EYA1: variants seen among roughly 807,000 people sequenced by gnomAD.
EYA1 encodes EYA transcriptional coactivator and phosphatase 1, also known as protein phosphatase EYA1.
A neutral mutation model predicts 82.0 loss-of-function variants in EYA1; 16 were observed. That is an observed-to-expected ratio of 0.20 (90% CI 0.13 to 0.30). EYA1 has a LOEUF of 0.30. EYA1 is among the 10% of genes least tolerant of loss of function. EYA1 has a pLI of 1.00. For missense variants in EYA1, 633 were observed against 730.7 expected, an observed-to-expected ratio of 0.87 and a Z score of 1.54; for synonymous variants, 261 against 264.4, an observed-to-expected ratio of 0.99 and a Z score of 0.12.
chr8:71,229,237 T>A (rs1471378560), intron 12 of EYA1, among the ~76,000 whole-genome samples: 1 of 151,978 alleles, frequency 6.6e-6, no homozygotes, highest in African/African-American at 2.4e-5. Context: ...GCAGTGCTCC[T>A]CCATTAAGTT....
chr8:71,263,771 T>A (rs1021364568), intron 11 of EYA1, among the ~76,000 whole-genome samples: 1 of 152,218 alleles, frequency 6.6e-6, no homozygotes, highest in Non-Finnish European at 1.5e-5. Context: ...TTTATTTTTT[T>A]AAATTACACT....
intron 4 of EYA1, among the ~76,000 whole-genome samples, chr8:71,331,237 TAAATAAATACACACACACACAC>T (rs1738267604): frequency 7.5e-6 from 1 of 133,232 alleles, no homozygotes; most frequent in Non-Finnish European, 1.5e-5. Flanking sequence ...TCTAAATAAA[TAAATAAATACACACACACACAC>T]ACACACACAC....
chr8:71,452,366 C>G (rs1462815344), intron 2 of EYA1, among the ~76,000 whole-genome samples: 2 of 152,218 alleles, frequency 1.3e-5, no homozygotes, highest in East Asian at 3.9e-4. Context: ...GGACAAAAGG[C>G]AGCAGAAACC....
At chr8:71,233,418 G>A (rs182468239) in intron 12 of EYA1, among the ~76,000 whole-genome samples, 24 of 152,120 alleles carry the variant, frequency 1.6e-4, no homozygotes, top group Non-Finnish European at 2.4e-4. Flanking sequence ...CAAAAAATTA[G>A]TTGGGCGTGG....
intron 2 of EYA1, among the ~76,000 whole-genome samples, chr8:71,397,743 T>C (rs1384983854): frequency 6.6e-6 from 1 of 152,164 alleles, no homozygotes; most frequent in East Asian, 1.9e-4. Flanking sequence ...ATTTCAACTT[T>C]GGCAAATCTA....
chr8:71,501,405 A>G (rs553610948), intron 2 of EYA1, among the ~76,000 whole-genome samples: 65 of 152,332 alleles, frequency 4.3e-4, no homozygotes, highest in African/African-American at 1.5e-3. Flanking sequence ...CCTGCAGGAA[A>G]CTTTGAATTA....
chr8:71,370,806 G>C (rs112301773), intron 2 of EYA1, among the ~76,000 whole-genome samples: 2 of 150,314 alleles, frequency 1.3e-5, no homozygotes, highest in Non-Finnish European at 3.0e-5. Flanking sequence ...TTTATTTTAC[G>C]TACAGACGAG....
intron 1 of EYA1, chr8:71,547,798 G>T (rs1265068328): frequency 6.6e-6 from 1 of 150,686 alleles, no homozygotes; most frequent in African/African-American, 2.4e-5. Flanking sequence ...CGCGGCCGCC[G>T]CGAGCCACGG....
intron 2 of EYA1, among the ~76,000 whole-genome samples, chr8:71,488,635 T>C (rs1038116870): frequency 3.9e-5 from 6 of 152,252 alleles, no homozygotes; most frequent in Non-Finnish European, 8.8e-5. Context: ...GATCTGGGTG[T>C]TACTTTTAAA....
intron 17 of EYA1, among the ~76,000 whole-genome samples, chr8:71,201,382 T>C (rs1231960765): frequency 6.6e-6 from 1 of 152,064 alleles, no homozygotes; most frequent in African/African-American, 2.4e-5. Context: ...TCTGTAGGCT[T>C]TTTATTCAGC....
intron 2 of EYA1, among the ~76,000 whole-genome samples, chr8:71,402,454 G>C (rs865974690): frequency 9.2e-5 from 14 of 152,170 alleles, no homozygotes; most frequent in Admixed American, 2.6e-4. Context: ...TTATTAAGTA[G>C]TATAGACCCA....
intron 2 of EYA1, among the ~76,000 whole-genome samples, chr8:71,505,331 T>C (rs2129242524): frequency 6.6e-6 from 1 of 152,208 alleles, no homozygotes; most frequent in East Asian, 1.9e-4. Flanking sequence ...GCTCAAGCAA[T>C]ACAAGACATG....
At chr8:71,286,960 C>A (rs1818453291) in intron 9 of EYA1, among the ~76,000 whole-genome samples, 1 of 151,986 alleles carries the variant, frequency 6.6e-6, no homozygotes. Flanking sequence ...TGCCACCACG[C>A]CTGGCTAATT....
chr8:71,367,408 G>A (rs1827818902), intron 2 of EYA1, among the ~76,000 whole-genome samples: 1 of 152,078 alleles, frequency 6.6e-6, no homozygotes, highest in Non-Finnish European at 1.5e-5. Flanking sequence ...TATGGTTTAA[G>A]TATTCAGAAT....
At chr8:71,360,785 T>C (rs72654189) in intron 1 of EYA1, among the ~76,000 whole-genome samples, 11,090 of 152,278 alleles carry the variant, frequency 0.073, 461 homozygotes, top group African/African-American at 0.11. Context: ...CGACCTTTTG[T>C]ACCCCTTGCC....
In EYA1 at chr8:71,336,063, T is replaced by C. The variant is rs1402092729; in HGVS notation, c.125-1889A>G. Among the ~76,000 whole-genome samples, 8 of 152,288 alleles carry C rather than the reference T, an allele frequency of 5.3e-5. No individual in the cohort carries two copies. The South Asian group carries it at 1.0e-3, about 20-fold the overall frequency. ...CAGAATAGACAAACTCCCTAGTCAG[T>C]ATTGTCTTCTTGTTTCCCATGCACA... is the stretch of plus-strand genomic sequence containing the variant. On this transcript the variant is annotated intron_variant, in intron 3 of 17. Transcript: ENST00000340726.
At chr8:71,339,344 C>G (rs1183068348) in intron 3 of EYA1, among the ~76,000 whole-genome samples, 1 of 152,134 alleles carries the variant, frequency 6.6e-6, no homozygotes, top group African/African-American at 2.4e-5. Context: ...GTTCACTGTT[C>G]TGCTGCTGTT....
intron 2 of EYA1, among the ~76,000 whole-genome samples, chr8:71,383,312 A>G (rs1205257493): frequency 6.6e-6 from 1 of 152,104 alleles, no homozygotes; most frequent in Non-Finnish European, 1.5e-5. Flanking sequence ...TTTTGCAGCC[A>G]GCAATTTCAC....
chr8:71,326,849 C>A (rs930539141), intron 4 of EYA1, among the ~76,000 whole-genome samples: 1 of 152,128 alleles, frequency 6.6e-6, no homozygotes, highest in Non-Finnish European at 1.5e-5. Flanking sequence ...CACCATTCAC[C>A]CCATAAAGCA....
Sources: gnomAD v4.1 joint callset for allele counts (sites outside exome capture counted in the v4.1 genomes callset) on GRCh38, gnomAD v4.1.1 for gene constraint, MANE v1.5 for transcripts, NCBI Gene and HGNC (gene_info 2026-07-23, HGNC 2026-07-21) for gene names.